CCDC14: variants seen among roughly 807,000 people sequenced by gnomAD.
The protein encoded by CCDC14 is coiled-coil domain containing 14.
In CCDC14, 71 loss-of-function variants were observed where a neutral mutation model predicts 81.4. That is an observed-to-expected ratio of 0.87 (90% CI 0.72 to 1.06). CCDC14 has a LOEUF of 1.06. CCDC14 is among the 50% of genes least tolerant of loss of function. CCDC14 has a pLI of 0.00. For synonymous variants in CCDC14, 332 were observed against 364.8 expected (o/e 0.91, Z 1.03); for missense variants, 1,046 against 1,047.3 (o/e 1.00, Z 0.02).
At chr3:123,943,649 A>G (rs989023182) in intron 9 of CCDC14, among the ~76,000 whole-genome samples, 2 of 152,128 alleles carry the variant, frequency 1.3e-5, no homozygotes, top group South Asian at 4.1e-4. Context: ...CACTCTGTCT[A>G]TTAGATCATA....
chr3:123,940,455 G>A (rs939685393), intron 9 of CCDC14, among the ~76,000 whole-genome samples: 1 of 151,810 alleles, frequency 6.6e-6, no homozygotes, highest in Non-Finnish European at 1.5e-5. Context: ...TGAGTAATTT[G>A]TCTTGTGATA....
At position 123,914,466 on chromosome 3, in the gene CCDC14, T is replaced by C; in HGVS notation, c.*313A>G. The C allele has an allele frequency of 9.9e-7, 1 of 1,006,462 alleles. No homozygotes were observed. 62.3% of individuals were successfully genotyped at this position (1,006,462 alleles called of 1,614,324 possible). ...TTCTTAGGACAGCCACAGAACTATT[T>C]CAACCTGTACCCTTAATCCAGCAGA... On this transcript the variant is annotated 3_prime_UTR_variant, in exon 13 of 13. Coordinates refer to ENST00000409697, the MANE Select transcript of CCDC14 (RefSeq NM_001366335.1).
the CCDC14 span, among the ~76,000 whole-genome samples, chr3:123,887,915 T>C: frequency 6.6e-6 from 1 of 152,126 alleles, no homozygotes; most frequent in Non-Finnish European, 1.5e-5. Context: ...TTAAATCTTT[T>C]TAATTTCTTT....
chr3:123,932,959 C>G lies in CCDC14; in HGVS notation c.1426+714G>C, dbSNP rs140645573. 7.9e-5 allele frequency among the ~76,000 whole-genome samples: 12 copies of G among 152,168 alleles called. No homozygotes were observed. The South Asian group carries it at 2.5e-3, about 32-fold the overall frequency. On this transcript the variant is annotated intron_variant, in intron 10 of 12. Coordinates refer to ENST00000409697, the MANE Select transcript of CCDC14 (RefSeq NM_001366335.1). The stretch of plus-strand genomic sequence containing the variant: ...AATAAAAATACAAAAATTAGACAGG[C>G]GTGGTGGCAGGCGCCTATAATCCCA...
At position 123,956,116 on chromosome 3, in the gene CCDC14, C is replaced by T. The variant is rs1248568964; in HGVS notation, c.160-1G>A. On this transcript the variant is annotated splice_acceptor_variant, in intron 3 of 12. Transcript: ENST00000409697. LOFTEE classifies it high-confidence loss of function. Reference sequence around the variant, plus strand: ...CATCAAGCCCGTGTACAGTTTCAGCCTGTAAGAAATAAAGTCATTTAGAAT... The same window carrying T: ...CATCAAGCCCGTGTACAGTTTCAGCTTGTAAGAAATAAAGTCATTTAGAAT... 6.5e-7 allele frequency: 1 copy of T among 1,541,190 alleles called. No homozygotes were observed.
At chr3:123,905,777 G>A (rs1004814265) in intron 5 of CCDC14, among the ~76,000 whole-genome samples, 1 of 152,118 alleles carries the variant, frequency 6.6e-6, no homozygotes, top group Non-Finnish European at 1.5e-5. Context: ...GCTCACAGGG[G>A]AAAATAATGA....
intron 5 of CCDC14, 24 bp downstream of exon 5, chr3:123,955,819 A>C: frequency 6.8e-7 from 1 of 1,472,876 alleles, no homozygotes; most frequent in Non-Finnish European, 9.1e-7. Context: ...TTATCTTTAA[A>C]TAACTAAGAG....
Position 123,948,915 on chromosome 3 carries a change from G to T in CCDC14, c.570C>A (p.Cys190Ter). The change falls in exon 6 of 13, where the codon TGC becomes TGA. Residue 190 changes from cysteine to a stop codon, truncating the protein, a stop_gained. Coordinates refer to ENST00000409697, the MANE Select transcript of CCDC14 (RefSeq NM_001366335.1). LOFTEE classifies it high-confidence loss of function. ...ACTCACCAGAATGAGAGGGAGCATG[G>T]CATGGTACAGCAGGAATTCCATTAG... is the stretch of plus-strand genomic sequence containing the variant. Reference protein sequence around the residue: ...NIPNGIPAVPCHAPSHSESQA... With the variant: ...NIPNGIPAVP 5 of 1,613,434 alleles carry T rather than the reference G, an allele frequency of 3.1e-6. No homozygotes were observed. The Middle Eastern group carries it at 8.3e-4, about 266-fold the overall frequency.
intron 9 of CCDC14, among the ~76,000 whole-genome samples, chr3:123,941,805 G>GT (rs2036365663): frequency 6.6e-6 from 1 of 151,938 alleles, no homozygotes; most frequent in Non-Finnish European, 1.5e-5. Flanking sequence ...CCATAAAATA[G>GT]TAAACTTCAT....
chr3:123,952,060 A>G lies in CCDC14; in HGVS notation c.353-2928T>C, dbSNP rs1577329870. ...GTTACTACACAAATACAAATGAAGT[A>G]TATTTTCTTGCTCTTGTTAATTACA... On this transcript the variant is annotated intron_variant, in intron 5 of 12. Coordinates refer to ENST00000409697, the MANE Select transcript of CCDC14 (RefSeq NM_001366335.1). Among the ~76,000 whole-genome samples the G allele has an allele frequency of 3.3e-5, 5 of 152,344 alleles. No individual in the cohort carries two copies. In the South Asian group the frequency reaches 8.3e-4, roughly 25 times the overall value.
In CCDC14 at chr3:123,935,837, C is replaced by T. The variant is rs115258180; in HGVS notation, c.1344-2082G>A. Among the ~76,000 whole-genome samples the T allele has an allele frequency of 6.7e-3, 1,021 of 151,724 alleles. 15 individuals are homozygous for T. Among genetic ancestry groups the T allele is most frequent in the African/African-American group, 0.024 (981 of 41,354 alleles). On this transcript the variant is annotated intron_variant, in intron 9 of 12. Transcript: ENST00000409697. ...TCACTGCAAGCCTCTCATTCCTACC[C>T]TCCTCTTCTCAATTGTATACTTTCC...
At chr3:123,948,814 C>T (rs747341648) in intron 6 of CCDC14, 29 bp from the exon 7 acceptor site, 1 of 1,577,310 alleles carries the variant, frequency 6.3e-7, no homozygotes, top group Non-Finnish European at 8.6e-7. Flanking sequence ...AAAAATTAAT[C>T]ACATATCCTA....
At chr3:123,898,919 C>T (rs1348052667) in intron 5 of CCDC14, among the ~76,000 whole-genome samples, 5 of 144,180 alleles carry the variant, frequency 3.5e-5, no homozygotes, top group Non-Finnish European at 7.5e-5. Flanking sequence ...TGGGTTTCCT[C>T]ATGTTGGTCA....
chr3:123,895,088 A>G (rs1344210752), downstream of CCDC14, among the ~76,000 whole-genome samples: 1 of 152,206 alleles, frequency 6.6e-6, no homozygotes, highest in East Asian at 1.9e-4. Context: ...TCTTGAAACA[A>G]TGTAAGTTAG....
chr3:123,905,933 T>C (rs541878700), intron 5 of CCDC14, among the ~76,000 whole-genome samples: 1 of 151,680 alleles, frequency 6.6e-6, no homozygotes, highest in African/African-American at 2.4e-5. Flanking sequence ...AACAAGCAAT[T>C]ATAAAAAAAT....
chr3:123,930,840 G>T (rs990619518), intron 12 of CCDC14: 4 of 337,574 alleles, frequency 1.2e-5, no homozygotes, highest in East Asian at 1.1e-4. Flanking sequence ...AGGGCTCAAT[G>T]GTGTTGCTAT....
the CCDC14 span, among the ~76,000 whole-genome samples, chr3:123,887,019 A>T: frequency 6.6e-6 from 1 of 152,176 alleles, no homozygotes. Context: ...AATTTGCTTT[A>T]GTTTGCATTA....
At chr3:123,906,345 A>AAAATAAAT (rs558961459) in intron 5 of CCDC14, among the ~76,000 whole-genome samples, 5 of 151,114 alleles carry the variant, frequency 3.3e-5, no homozygotes, top group Admixed American at 3.3e-4. Flanking sequence ...ATAAAAAATT[A>AAAATAAAT]AAATAAATAA....
At chr3:123,919,879 G>C (rs1303685277) in intron 12 of CCDC14, among the ~76,000 whole-genome samples, 1 of 152,038 alleles carries the variant, frequency 6.6e-6, no homozygotes, top group Non-Finnish European at 1.5e-5. Context: ...TGAAGAATCA[G>C]AAAAATGACA....
Sources: gnomAD v4.1 joint callset for allele counts (sites outside exome capture counted in the v4.1 genomes callset) on GRCh38, gnomAD v4.1.1 for gene constraint, MANE v1.5 for transcripts, NCBI Gene and HGNC (gene_info 2026-07-23, HGNC 2026-07-21) for gene names.